PCNP: variants seen among roughly 807,000 people sequenced by gnomAD.
PCNP encodes PEST proteolytic signal containing nuclear protein, also known as PEST proteolytic signal-containing nuclear protein.
Under a neutral mutation model 21.8 loss-of-function variants are expected in PCNP, and 6 were observed. That is an observed-to-expected ratio of 0.28 (90% confidence interval 0.15 to 0.54). The LOEUF is 0.54. Among genes scored for constraint, PCNP ranks in the 20% least tolerant of loss-of-function variants. The pLI, the probability that PCNP is intolerant of heterozygous loss-of-function variation, is 0.95. For synonymous variants in PCNP, 67 were observed against 73.2 expected (o/e 0.92, Z 0.43); for missense variants, 161 against 215.5 (o/e 0.75, Z 1.58).
Position 101,580,009 on chromosome 3 carries a change from G to A in PCNP, c.279+5G>A. 1 of 1,602,636 alleles carries A rather than the reference G, an allele frequency of 6.2e-7. No individual in the cohort carries two copies. The highest frequency in any genetic ancestry group is 8.6e-7 in the Non-Finnish European group (1 of 1,169,552). Reference sequence around the variant, plus strand: ...TCCATCAAACTTGGATCAAGTGTGAGTTGTTATTTCATATATGATGTTTGT... The same window carrying A: ...TCCATCAAACTTGGATCAAGTGTGAATTGTTATTTCATATATGATGTTTGT... On this transcript the variant is annotated splice_donor_5th_base_variant and intron_variant, in intron 2 of 4. Coordinates refer to ENST00000265260, the MANE Select transcript of PCNP (RefSeq NM_020357.3).
intron 1 of PCNP, among the ~76,000 whole-genome samples, chr3:101,579,225 A>G (rs1290128660): frequency 1.3e-5 from 2 of 152,170 alleles, no homozygotes; most frequent in Admixed American, 1.3e-4. Context: ...ATGACCTTGA[A>G]GTTCCTTTTC....
chr3:101,588,434 A>G (rs566389443), intron 3 of PCNP, among the ~76,000 whole-genome samples: 2 of 151,998 alleles, frequency 1.3e-5, no homozygotes, highest in Non-Finnish European at 2.9e-5. Context: ...TCTTTCTCCT[A>G]TAATATAACA....
intron 2 of PCNP, among the ~76,000 whole-genome samples, chr3:101,584,975 G>T (rs1451419489): frequency 6.6e-6 from 1 of 152,200 alleles, no homozygotes; most frequent in African/African-American, 2.4e-5. Context: ...CTGCACTCCA[G>T]CCTGGGCGAC....
intron 4 of PCNP, among the ~76,000 whole-genome samples, chr3:101,591,409 A>C (rs1052341695): frequency 6.6e-6 from 1 of 152,212 alleles, no homozygotes; most frequent in Admixed American, 6.5e-5. Context: ...TGATAATGCT[A>C]AGTGCTAAAT....
rs1935134452 is a variant in PCNP, at chr3:101,579,890, A to G, written c.165A>G (p.Glu55=). The G allele has an allele frequency of 1.9e-6, 3 of 1,613,860 alleles. No individual in the cohort carries two copies. In the African/African-American group the frequency reaches 4.0e-5, roughly 22 times the overall value. ...SSRSAEKRSA[E]EEAADLPTKP... Reference sequence around the variant, plus strand: ...GCAGCGCTGAGAAGCGATCAGCTGAAGAAGAAGCTGCCGACCTCCCAACAA... The same window carrying G: ...GCAGCGCTGAGAAGCGATCAGCTGAGGAAGAAGCTGCCGACCTCCCAACAA... The change falls in exon 2 of 5, where the codon GAA becomes GAG. Residue 55 remains glutamate, a synonymous_variant. Transcript: ENST00000265260.
rs559388879 is a variant in PCNP, at chr3:101,584,438, T to C, written c.280-999T>C. Among the ~76,000 whole-genome samples the C allele has an allele frequency of 1.2e-4, 19 of 152,308 alleles. 1 individual carries two copies. In the South Asian group the frequency reaches 3.9e-3, roughly 32 times the overall value. On this transcript the variant is annotated intron_variant, in intron 2 of 4. Coordinates refer to ENST00000265260, the MANE Select transcript of PCNP (RefSeq NM_020357.3). ...GCACATGTGAGGCACTGTGCCTGCC[T>C]GGGTATCTATATCTTCTAAATGGGG...
chr3:101,591,763 GGTGT>G (rs1476832692), intron 4 of PCNP, among the ~76,000 whole-genome samples: 12 of 105,576 alleles, frequency 1.1e-4, no homozygotes, highest in African/African-American at 3.9e-4. Context: ...TTTTGATTTT[GGTGT>G]TTTTTTTTTT....
intron 1 of PCNP, 59 bp from the exon 2 acceptor site, chr3:101,579,731 T>C: frequency 8.6e-7 from 1 of 1,165,540 alleles, no homozygotes. Context: ...AGGTTGCTGC[T>C]CCCATCAATC....
chr3:101,579,962 G>A lies in PCNP; in HGVS notation c.237G>A (p.Thr79=), dbSNP rs376429506. 65 of 1,613,794 alleles carry A rather than the reference G, an allele frequency of 4.0e-5. No homozygotes were observed. The African/African-American group carries it at 6.5e-4, about 16-fold the overall frequency. ...TTGGATTTGCCATAGGTAGTCAGAC[G>A]ACAAAGAAAGCATCAGCCATATCCA... ...SKFGFAIGSQ[T]TKKASAISIK... The change falls in exon 2 of 5, where the codon ACG becomes ACA. Residue 79 remains threonine, a synonymous_variant. Transcript: ENST00000265260.
At chr3:101,592,481 G>A (rs1935867608) in intron 4 of PCNP, 146 bp from the exon 5 acceptor site, 2 of 558,252 alleles carry the variant, frequency 3.6e-6, no homozygotes, top group Non-Finnish European at 3.1e-6. Flanking sequence ...CCTGTGAAAT[G>A]TATTTTTAAA....
Position 101,580,014 on chromosome 3 carries a change from T to C in PCNP, c.279+10T>C. The C allele has an allele frequency of 6.3e-7, 1 of 1,589,638 alleles. No homozygotes were observed. The highest frequency in any genetic ancestry group is 8.6e-7 in the Non-Finnish European group (1 of 1,157,654). On this transcript the variant is annotated intron_variant, in intron 2 of 4. Transcript: ENST00000265260. ...CAAACTTGGATCAAGTGTGAGTTGT[T>C]ATTTCATATATGATGTTTGTAATGG... is the stretch of plus-strand genomic sequence containing the variant.
chr3:101,592,743 A>C lies in PCNP; in HGVS notation c.527A>C (p.Gln176Pro). The C allele has an allele frequency of 6.2e-7, 1 of 1,612,126 alleles. No individual in the cohort carries two copies. The highest frequency in any genetic ancestry group is 8.5e-7 in the Non-Finnish European group (1 of 1,179,148). The part of the protein sequence containing the change: ...IKSHLGNVHD[Q>P]DN Reference sequence around the variant, plus strand: ...TCTCATCTTGGAAATGTCCATGACCAAGACAATTAAATGATGTTTTGAAAT... The same window carrying C: ...TCTCATCTTGGAAATGTCCATGACCCAGACAATTAAATGATGTTTTGAAAT... Residue 176 changes from glutamine to proline, a missense_variant, in exon 5 of 5, where the codon CAA becomes CCA. This residue lies in a region of PCNP where 66 missense variants were observed against 127.8 expected (regional missense o/e 0.52). Transcript: ENST00000265260.
rs1935892010 is a variant in PCNP, at chr3:101,592,898, T to C, written c.*145T>C. The C allele has an allele frequency of 7.6e-6, 4 of 527,478 alleles. No homozygotes were observed. Among genetic ancestry groups the C allele is most frequent in the Non-Finnish European group, 1.2e-5 (4 of 323,792 alleles). 32.7% of individuals were successfully genotyped at this position (527,478 alleles called of 1,614,324 possible). A position where few individuals can be genotyped will look rare whatever the true frequency, so the allele number is the denominator to read the frequency against. On this transcript the variant is annotated 3_prime_UTR_variant, in exon 5 of 5. Transcript: ENST00000265260. ...AAAGATTGAGTGGTACACTAATAAA[T>C]GAGAGTTTGAAATTAGAGGTAATTT... is the stretch of plus-strand genomic sequence containing the variant.
chr3:101,591,340 A>G (rs1935794321), intron 4 of PCNP, among the ~76,000 whole-genome samples: 1 of 152,186 alleles, frequency 6.6e-6, no homozygotes, highest in African/African-American at 2.4e-5. Flanking sequence ...TTCCAAATGT[A>G]TGAACCCACA....
At chr3:101,581,397 C>T (rs977721576) in intron 2 of PCNP, among the ~76,000 whole-genome samples, 25 of 151,486 alleles carry the variant, frequency 1.7e-4, no homozygotes, top group Admixed American at 5.3e-4. Flanking sequence ...ATCTAAATCC[C>T]TACTCTTTTT....
At chr3:101,580,421 A>T (rs189106658) in intron 2 of PCNP, among the ~76,000 whole-genome samples, 36 of 150,486 alleles carry the variant, frequency 2.4e-4, no homozygotes, top group South Asian at 4.2e-4. Context: ...AAATATAATT[A>T]AAAAAAAAAT....
chr3:101,577,260 T>C (rs1406625913), intron 1 of PCNP, among the ~76,000 whole-genome samples: 3 of 152,186 alleles, frequency 2.0e-5, no homozygotes, highest in Admixed American at 6.5e-5. Context: ...TTAGGAGAAA[T>C]AATGTTAAGA....
intron 2 of PCNP, among the ~76,000 whole-genome samples, chr3:101,583,682 CTG>C (rs1935350385): frequency 1.3e-5 from 2 of 152,178 alleles, no homozygotes; most frequent in South Asian, 4.2e-4. Flanking sequence ...GAGACTCACT[CTG>C]TCACCCAGGC....
Position 101,594,035 on chromosome 3 carries a change from C to T in PCNP, c.*1282C>T. ...AGTATAAAAATTTCCTTGAAAACTC[C>T]TACAATATTATATTTGGAGGCAGCT... On this transcript the variant is annotated 3_prime_UTR_variant, in exon 5 of 5. Coordinates refer to ENST00000265260, the MANE Select transcript of PCNP (RefSeq NM_020357.3). 6.6e-6 allele frequency: 1 copy of T among 152,428 alleles called. No individual in the cohort carries two copies. The highest frequency in any genetic ancestry group is 1.9e-4 in the East Asian group (1 of 5,188). The allele number at this position is 152,428 out of a possible 1,614,324, so 9.4% of individuals were successfully genotyped here.
Sources: allele counts gnomAD v4.1 joint callset (sites outside exome capture counted in the v4.1 genomes callset), GRCh38; gene constraint gnomAD v4.1.1; regional missense constraint gnomAD v4.1.1; transcripts MANE v1.5; gene names NCBI Gene and HGNC (gene_info 2026-07-23, HGNC 2026-07-21).